The following NRG1 variants were observed in gnomAD, a reference collection of about 807,000 sequenced individuals.
NRG1 encodes neuregulin 1, also known as pro-neuregulin-1, membrane-bound isoform.
NRG1 carries 18 observed loss-of-function variants against 63.8 expected under a neutral mutation model. The observed-to-expected ratio is 0.28, with a 90% CI of 0.19 to 0.42. NRG1 has a LOEUF of 0.42. Ranked by LOEUF, NRG1 falls within the 10% of genes least tolerant of loss-of-function variation. NRG1 has a pLI of 1.00. For missense variants in NRG1, 762 were observed against 814.7 expected (o/e 0.94, Z 0.79); for synonymous variants, 302 against 301.3 (o/e 1.00, Z -0.02).
chr8:32,291,547 T>TC (rs1854200660), intron 1 of NRG1, among the ~76,000 whole-genome samples: 1 of 143,372 alleles, frequency 7.0e-6, no homozygotes, highest in Non-Finnish European at 1.5e-5. Flanking sequence ...TTTTTTTTTT[T>TC]TTTTTTTTTG....
intron 1 of NRG1, among the ~76,000 whole-genome samples, chr8:32,280,685 TTTTTTG>T (rs1563264866): frequency 1.0e-4 from 11 of 104,790 alleles, no homozygotes; most frequent in African/African-American, 2.2e-4. Context: ...ATTAGGTTTT[TTTTTTG>T]TTTTTTTTTT....
intron 1 of NRG1, among the ~76,000 whole-genome samples, chr8:32,096,964 G>C (rs1219650121): frequency 6.6e-6 from 1 of 152,130 alleles, no homozygotes; most frequent in African/African-American, 2.4e-5. Flanking sequence ...CTAACTGTAT[G>C]TTTTTGCACA....
chr8:32,703,132 A>G (rs2128963901), intron 5 of NRG1, among the ~76,000 whole-genome samples: 1 of 152,232 alleles, frequency 6.6e-6, no homozygotes, highest in Non-Finnish European at 1.5e-5. Flanking sequence ...TGGTCAAAGG[A>G]TGGGAGGGAT....
At chr8:32,479,018 G>A (rs917626938) in intron 1 of NRG1, among the ~76,000 whole-genome samples, 7 of 152,156 alleles carry the variant, frequency 4.6e-5, no homozygotes, top group African/African-American at 1.7e-4. Context: ...TACTAAGAAG[G>A]GGGTGTGCTT....
intron 1 of NRG1, among the ~76,000 whole-genome samples, chr8:32,119,979 T>A (rs1383983807): frequency 6.6e-6 from 1 of 152,096 alleles, no homozygotes; most frequent in East Asian, 1.9e-4. Flanking sequence ...AGTCCTATTC[T>A]TGTTTTTTTC....
At chr8:31,731,386 A>G (rs1185126014) in intron 1 of NRG1, among the ~76,000 whole-genome samples, 1 of 151,236 alleles carries the variant, frequency 6.6e-6, no homozygotes, top group African/African-American at 2.4e-5. Flanking sequence ...CTTGAGGTAA[A>G]GTTTTAAAAG....
chr8:32,056,017 G>A (rs1586781789), intron 1 of NRG1, among the ~76,000 whole-genome samples: 1 of 152,038 alleles, frequency 6.6e-6, no homozygotes, highest in Admixed American at 6.6e-5. Flanking sequence ...TGTTAAATAG[G>A]CTATGGCACT....
intron 1 of NRG1, among the ~76,000 whole-genome samples, chr8:31,965,804 G>A (rs552701354): frequency 2.0e-5 from 3 of 152,198 alleles, no homozygotes; most frequent in East Asian, 3.9e-4. Context: ...ATGAAATCAC[G>A]TCCTTTGCAG....
intron 1 of NRG1, chr8:32,063,223 C>T (rs2126610): frequency 0.98 from 148,575 of 152,198 alleles, 72,619 homozygotes; most frequent in East Asian, 1. Context: ...GTAGGCTTCA[C>T]TGAGTATCCG....
At chr8:32,468,728 T>TC (rs201147946) in intron 1 of NRG1, among the ~76,000 whole-genome samples, 2 of 151,786 alleles carry the variant, frequency 1.3e-5, no homozygotes, top group African/African-American at 4.8e-5. Flanking sequence ...TACAGTTTTT[T>TC]TTTTTTTTTT....
intron 5 of NRG1, among the ~76,000 whole-genome samples, chr8:32,696,277 T>C (rs1001254883): frequency 6.6e-6 from 1 of 152,238 alleles, no homozygotes; most frequent in African/African-American, 2.4e-5. Flanking sequence ...CTTTTCACTT[T>C]CAAAGTTCCC....
chr8:32,265,803 G>A (rs574650895), intron 1 of NRG1, among the ~76,000 whole-genome samples: 17 of 151,838 alleles, frequency 1.1e-4, no homozygotes, highest in East Asian at 1.9e-4. Context: ...TGATTGCACC[G>A]CTGCACTCCA....
intron 1 of NRG1, among the ~76,000 whole-genome samples, chr8:31,781,772 A>G (rs1819708043): frequency 6.6e-6 from 1 of 152,150 alleles, no homozygotes. Context: ...AGACCCTCTG[A>G]AACAGAATCT....
chr8:31,882,106 A>C (rs1388576548), intron 1 of NRG1, among the ~76,000 whole-genome samples: 1 of 152,112 alleles, frequency 6.6e-6, no homozygotes, highest in Admixed American at 6.6e-5. Flanking sequence ...ACTGACTTCA[A>C]GGGACAGGCT....
At chr8:32,334,792 C>G (rs1803054361) in intron 1 of NRG1, among the ~76,000 whole-genome samples, 1 of 152,162 alleles carries the variant, frequency 6.6e-6, no homozygotes, top group African/African-American at 2.4e-5. Context: ...GTTTTCTGTT[C>G]TCTACCACAA....
intron 1 of NRG1, among the ~76,000 whole-genome samples, chr8:32,186,494 G>GA (rs954498770): frequency 1.5e-4 from 23 of 149,458 alleles, no homozygotes; most frequent in African/African-American, 4.7e-4. Flanking sequence ...GAAAGAAAAA[G>GA]AAAAAAAAAG....
At chr8:32,598,039 C>T (rs894086599) in intron 2 of NRG1, among the ~76,000 whole-genome samples, 5 of 152,216 alleles carry the variant, frequency 3.3e-5, no homozygotes, top group South Asian at 2.1e-4. Context: ...TTTATTTCTA[C>T]GTGGCTGTCA....
Position 32,368,624 on chromosome 8 carries a change from C to T in NRG1, c.38-227204C>T, listed in dbSNP as rs2129482549. Among the ~76,000 whole-genome samples the T allele has an allele frequency of 1.3e-5, 2 of 152,270 alleles. 1 individual carries two copies. Among genetic ancestry groups the T allele is most frequent in the South Asian group, 4.2e-4 (2 of 4,816 alleles). On this transcript the variant is annotated intron_variant, in intron 1 of 10. Transcript: ENST00000519301. ...TTTATTTCTTCACCTGCTAATTTAG[C>T]TTGTTCAAGTGTAGAAGCTGGAGGA...
At chr8:32,319,521 C>A (rs955066937) in intron 1 of NRG1, among the ~76,000 whole-genome samples, 9 of 152,068 alleles carry the variant, frequency 5.9e-5, no homozygotes, top group African/African-American at 1.7e-4. Flanking sequence ...CAACACTAGA[C>A]CCTTTCCCAG....
Sources: gnomAD v4.1 joint callset for allele counts (sites outside exome capture counted in the v4.1 genomes callset) on GRCh38, gnomAD v4.1.1 for gene constraint, MANE v1.5 for transcripts, NCBI Gene and HGNC (gene_info 2026-07-23, HGNC 2026-07-21) for gene names.